ARHGAP26: variants seen among roughly 807,000 people sequenced by gnomAD.
ARHGAP26 encodes rho GTPase-activating protein 26.
In ARHGAP26, 38 loss-of-function variants were observed where a neutral mutation model predicts 104.8. That is an observed-to-expected ratio of 0.36 (90% CI 0.28 to 0.48). The LOEUF is 0.48. Among genes scored for constraint, ARHGAP26 ranks in the 20% least tolerant of loss-of-function variants. The pLI, the probability that ARHGAP26 is intolerant of heterozygous loss-of-function variation, is 0.99. For missense variants in ARHGAP26, 704 were observed against 947.9 expected (o/e 0.74, Z 3.38); for synonymous variants, 341 against 340.0 (o/e 1.00, Z -0.03).
chr5:143,140,990 G>A (rs887578256), intron 19 of ARHGAP26, among the ~76,000 whole-genome samples: 4 of 152,254 alleles, frequency 2.6e-5, no homozygotes, highest in African/African-American at 4.8e-5. Context: ...TCTCTGAGCA[G>A]TCAAAGCTGT....
At chr5:142,806,111 G>A (rs1028152318) in intron 1 of ARHGAP26, among the ~76,000 whole-genome samples, 5 of 152,066 alleles carry the variant, frequency 3.3e-5, no homozygotes, top group African/African-American at 1.2e-4. Context: ...TGTTGTTGTC[G>A]GAGACAGAGT....
Position 142,932,087 on chromosome 5 carries a change from C to T in ARHGAP26, c.1069C>T (p.Arg357Trp), listed in dbSNP as rs750600019. 2 of 1,613,996 alleles carry T rather than the reference C, an allele frequency of 1.2e-6. No homozygotes were observed. The highest frequency in any genetic ancestry group is 1.1e-5 in the South Asian group (1 of 91,068). Residue 357 changes from arginine to tryptophan, a missense_variant, in exon 11 of 23, where the codon CGG becomes TGG. Arg to Trp is a moderately radical substitution (Grantham distance 101). This residue lies in a region of ARHGAP26 where 287 missense variants were observed against 438.8 expected (regional missense o/e 0.65). Coordinates refer to ENST00000645722, the MANE Select transcript of ARHGAP26 (RefSeq NM_001135608.3). The part of the protein sequence containing the change: ...ITMQALSEED[R>W]RLWMEAMDGR... ...CATGCAAGCTTTGTCGGAAGAGGAC[C>T]GGAGGCTCTGGATGGAAGCCATGGA...
chr5:142,791,793 G>A (rs745900240), intron 1 of ARHGAP26, among the ~76,000 whole-genome samples: 3 of 151,802 alleles, frequency 2.0e-5, no homozygotes, highest in Admixed American at 1.3e-4. Context: ...GTGAAACCCC[G>A]TCTCTACTAA....
At chr5:143,208,891 C>A (rs1809011718) in intron 21 of ARHGAP26, among the ~76,000 whole-genome samples, 1 of 152,146 alleles carries the variant, frequency 6.6e-6, no homozygotes, top group African/African-American at 2.4e-5. Context: ...ATTTCCTAAT[C>A]ATTTCTTGGA....
At chr5:143,105,774 A>G (rs1793926900) in intron 17 of ARHGAP26, among the ~76,000 whole-genome samples, 1 of 152,222 alleles carries the variant, frequency 6.6e-6, no homozygotes, top group South Asian at 2.1e-4. Flanking sequence ...AGTGCGTCAG[A>G]AGTCTGAAGA....
At chr5:143,181,349 T>C (rs970670580) in intron 20 of ARHGAP26, among the ~76,000 whole-genome samples, 4 of 152,368 alleles carry the variant, frequency 2.6e-5, no homozygotes, top group African/African-American at 9.6e-5. Context: ...GTTGCACTTC[T>C]GCAACCTTGC....
intron 20 of ARHGAP26, among the ~76,000 whole-genome samples, chr5:143,157,194 C>T (rs1416400794): frequency 3.6e-5 from 5 of 137,658 alleles, no homozygotes; most frequent in Non-Finnish European, 4.6e-5. Flanking sequence ...TTTTTTTTCT[C>T]GAGACAGAGT....
Position 143,227,082 on chromosome 5 carries a change from TG to T in ARHGAP26, c.*4637del, listed in dbSNP as rs1811735477. The T allele has an allele frequency of 4.3e-6, 1 of 230,600 alleles. No homozygotes were observed. The highest frequency in any genetic ancestry group is 8.6e-6 in the Non-Finnish European group (1 of 116,496). 14.3% of individuals were successfully genotyped at this position (230,600 alleles called of 1,614,324 possible). A position where few individuals can be genotyped will look rare whatever the true frequency, so the allele number is the denominator to read the frequency against. ...AAAGATAACCTGATCCCTGCCTGTC[TG>T]TTGGCACCTGTCATCCTCTGGCTTC... On this transcript the variant is annotated 3_prime_UTR_variant, in exon 23 of 23. Transcript: ENST00000645722.
chr5:142,886,678 A>G (rs1757751344), intron 5 of ARHGAP26, among the ~76,000 whole-genome samples: 1 of 152,166 alleles, frequency 6.6e-6, no homozygotes, highest in Admixed American at 6.5e-5. Context: ...TGGCATAGCT[A>G]CTCAGGTAAA....
chr5:142,836,674 C>G (rs1769644467), intron 1 of ARHGAP26, among the ~76,000 whole-genome samples: 1 of 152,098 alleles, frequency 6.6e-6, no homozygotes, highest in Admixed American at 6.6e-5. Flanking sequence ...TTTTAGTCTC[C>G]CCATGGAGTA....
intron 1 of ARHGAP26, among the ~76,000 whole-genome samples, chr5:142,783,536 A>C (rs1430479415): frequency 3.3e-5 from 5 of 152,168 alleles, no homozygotes; most frequent in Admixed American, 6.5e-5. Context: ...GCTGTTGCAC[A>C]GCAAGGGGAA....
intron 1 of ARHGAP26, among the ~76,000 whole-genome samples, chr5:142,851,668 C>A (rs1751545730): frequency 6.6e-6 from 1 of 152,138 alleles, no homozygotes; most frequent in Non-Finnish European, 1.5e-5. Context: ...ATCCTTTAGG[C>A]CCTATGTGGC....
chr5:142,992,870 T>C (rs6898510), intron 11 of ARHGAP26, among the ~76,000 whole-genome samples: 14,554 of 152,312 alleles, frequency 0.096, 1,264 homozygotes, highest in African/African-American at 0.23. Context: ...CTTAACCTTC[T>C]TGGGGTGAGC....
At chr5:142,816,680 G>T (rs1765196534) in intron 1 of ARHGAP26, among the ~76,000 whole-genome samples, 1 of 152,250 alleles carries the variant, frequency 6.6e-6, no homozygotes, top group South Asian at 2.1e-4. Context: ...CTGGAGCCCA[G>T]CTGCCTTGCA....
intron 1 of ARHGAP26, among the ~76,000 whole-genome samples, chr5:142,771,762 T>TA (rs1219751094): frequency 3.9e-5 from 6 of 152,366 alleles, no homozygotes; most frequent in African/African-American, 1.4e-4. Context: ...GGACCTTTTG[T>TA]AAAACCATTT....
At chr5:143,073,512 C>A (rs1462451397) in intron 17 of ARHGAP26, among the ~76,000 whole-genome samples, 1 of 152,184 alleles carries the variant, frequency 6.6e-6, no homozygotes, top group African/African-American at 2.4e-5. Context: ...ACTGACTTAT[C>A]TATGAGGCTA....
chr5:143,160,943 T>G (rs1021801421), intron 20 of ARHGAP26, among the ~76,000 whole-genome samples: 1 of 151,664 alleles, frequency 6.6e-6, no homozygotes, highest in African/African-American at 2.4e-5. Context: ...TGGAGTTAAC[T>G]GAGCTCTCGC....
At chr5:142,941,845 G>T (rs1034707662) in intron 11 of ARHGAP26, among the ~76,000 whole-genome samples, 3 of 152,180 alleles carry the variant, frequency 2.0e-5, no homozygotes, top group Admixed American at 6.5e-5. Context: ...GATAGCCAGA[G>T]AATTTTTGCT....
intron 1 of ARHGAP26, among the ~76,000 whole-genome samples, chr5:142,824,991 A>G (rs889102254): frequency 1.6e-4 from 25 of 152,010 alleles, no homozygotes; most frequent in South Asian, 2.1e-4. Context: ...TGGATCAGCA[A>G]CTCTTTTCAT....
Sources: allele counts gnomAD v4.1 joint callset (sites outside exome capture counted in the v4.1 genomes callset), GRCh38; gene constraint gnomAD v4.1.1; regional missense constraint gnomAD v4.1.1; transcripts MANE v1.5; gene names NCBI Gene and HGNC (gene_info 2026-07-23, HGNC 2026-07-21).